CDH7: variants seen among roughly 807,000 people sequenced by gnomAD.
CDH7 encodes cadherin-7.
A neutral mutation model predicts 71.8 loss-of-function variants in CDH7; 25 were observed. The observed-to-expected ratio is 0.35, with a 90% CI of 0.25 to 0.49. CDH7 has a LOEUF of 0.49. CDH7 is among the 20% of genes least tolerant of loss of function. The probability of loss-of-function intolerance (pLI) is 0.99; values close to 1 mark genes in which losing one functional copy is unlikely to be tolerated. For missense variants in CDH7, 862 were observed against 974.6 expected (o/e 0.88, Z 1.54); for synonymous variants, 381 against 363.8 (o/e 1.05, Z -0.54).
At chr18:65,847,034 G>T (rs901618288) in intron 7 of CDH7, among the ~76,000 whole-genome samples, 1 of 77,714 alleles carries the variant, frequency 1.3e-5, no homozygotes, top group Non-Finnish European at 3.3e-5. Context: ...TTGTACTCAC[G>T]CGTATTCCAA....
rs115443853 is a variant in CDH7 at position 65,850,483 on chromosome 18, C to T, written c.1235+6418C>T. 7.0e-3 allele frequency among the ~76,000 whole-genome samples: 1,059 copies of T among 151,676 alleles called. 15 individuals carry two copies. The highest frequency in any genetic ancestry group is 0.025 in the African/African-American group (1,021 of 41,360). ...AGGGTTCCTCTGTAAATACATGTAG[C>T]GAGGGTAGCAGGCTCTTCAGAACGT... On this transcript the variant is annotated intron_variant, in intron 7 of 11. Transcript: ENST00000397968.
intron 6 of CDH7, among the ~76,000 whole-genome samples, chr18:65,843,413 T>C (rs970405971): frequency 1.7e-4 from 26 of 152,122 alleles, no homozygotes; most frequent in African/African-American, 6.3e-4. Context: ...AATGAGAAAT[T>C]CAATAGAAAG....
rs1245756650 is a variant in CDH7, at chr18:65,781,935, TC to T, written c.210+18884del. Among the ~76,000 whole-genome samples the T allele has an allele frequency of 1.6e-4, 19 of 120,674 alleles. 1 individual carries two copies. The highest frequency in any genetic ancestry group is 3.1e-4 in the Admixed American group (4 of 12,896). The allele number at this position is 120,674 out of a possible 152,430, so 79.2% of individuals were successfully genotyped here. On this transcript the variant is annotated intron_variant, in intron 2 of 11. Coordinates refer to ENST00000397968, the MANE Select transcript of CDH7 (RefSeq NM_004361.5). ...CTCTTTCTCTCTTTCTCTCTCTCTC[TC>T]TCTCTCTCTTTCTCTCTTTCTCTCT...
At chr18:65,783,651 T>C (rs1910400714) in intron 2 of CDH7, among the ~76,000 whole-genome samples, 1 of 152,180 alleles carries the variant, frequency 6.6e-6, no homozygotes, top group Non-Finnish European at 1.5e-5. Flanking sequence ...GGGCTGAAGA[T>C]AGCTCCTTGA....
intron 7 of CDH7, among the ~76,000 whole-genome samples, chr18:65,848,789 A>C (rs1913025283): frequency 6.6e-6 from 1 of 152,114 alleles, no homozygotes; most frequent in Non-Finnish European, 1.5e-5. Flanking sequence ...TAATCTAAAT[A>C]TAGAAATATG....
Position 65,835,208 on chromosome 18 carries a change from G to A in CDH7, c.982-8604G>A, listed in dbSNP as rs115871092. 3.2e-3 allele frequency among the ~76,000 whole-genome samples: 493 copies of A among 152,218 alleles called. 2 individuals carry two copies. Among genetic ancestry groups the A allele is most frequent in the African/African-American group, 0.011 (471 of 41,524 alleles). On this transcript the variant is annotated intron_variant, in intron 6 of 11. Transcript: ENST00000397968. ...TGAGGCTGTTTGACAGAATTGACAT[G>A]TCATCATTTCTGCCACATTGTATTG... is the stretch of plus-strand genomic sequence containing the variant.
chr18:65,806,033 G>T (rs1219743972), intron 2 of CDH7, among the ~76,000 whole-genome samples: 1 of 152,152 alleles, frequency 6.6e-6, no homozygotes, highest in Non-Finnish European at 1.5e-5. Context: ...GGTGGAGGGT[G>T]CTCTATCAAG....
intron 2 of CDH7, among the ~76,000 whole-genome samples, chr18:65,781,513 T>G (rs1910185346): frequency 6.6e-6 from 1 of 152,214 alleles, no homozygotes; most frequent in African/African-American, 2.4e-5. Context: ...TGTGGCTTTT[T>G]TGGTACAAGT....
At position 65,882,821 on chromosome 18, in the gene CDH7, G is replaced by T. The variant is rs933182708; in HGVS notation, c.*1927G>T. 6.6e-6 allele frequency: 1 copy of T among 151,994 alleles called. No individual in the cohort carries two copies. Among genetic ancestry groups the T allele is most frequent in the East Asian group, 1.9e-4 (1 of 5,188 alleles). 9.4% of individuals were successfully genotyped at this position (151,994 alleles called of 1,614,324 possible). A position where few individuals can be genotyped will look rare whatever the true frequency, so the allele number is the denominator to read the frequency against. On this transcript the variant is annotated 3_prime_UTR_variant, in exon 12 of 12. Transcript: ENST00000397968. ...ATAACAAACAAACAAAAAAACACGC[G>T]TATTTACCCAGTTCAATAAAATCAG...
rs1568229023 is a variant in CDH7, at chr18:65,866,323, AAAAAAAAC to A, written c.1864+3414_1864+3421del. The A allele has an allele frequency of 1.8e-4, 24 of 133,410 alleles. 5 individuals carry two copies. Among genetic ancestry groups the A allele is most frequent in the African/African-American group, 6.6e-4 (23 of 34,842 alleles). 8.3% of individuals were successfully genotyped at this position (133,410 alleles called of 1,614,324 possible). ...CAAAAAAAAAAAAAAAACAAAAAAAAAAAAAAACAAAAAAAAAAAAAAAAAGAATGAAA... is the reference window on the plus strand; with the variant it reads ...CAAAAAAAAAAAAAAAACAAAAAAAAAAAAAAAAAAAAAAAAAGAATGAAA... On this transcript the variant is annotated intron_variant, in intron 11 of 11. Transcript: ENST00000397968.
At chr18:65,870,094 A>T (rs1913885013) in intron 11 of CDH7, among the ~76,000 whole-genome samples, 1 of 152,194 alleles carries the variant, frequency 6.6e-6, no homozygotes, top group Non-Finnish European at 1.5e-5. Flanking sequence ...AGTAGAATAT[A>T]TGACTAAAGG....
At chr18:65,820,960 A>AT (rs1355965927) in intron 4 of CDH7, among the ~76,000 whole-genome samples, 1 of 152,176 alleles carries the variant, frequency 6.6e-6, no homozygotes, top group Non-Finnish European at 1.5e-5. Flanking sequence ...AATTTAAAAA[A>AT]ATATATAAAA....
intron 2 of CDH7, among the ~76,000 whole-genome samples, chr18:65,802,417 T>C (rs1052590248): frequency 1.3e-5 from 2 of 152,212 alleles, no homozygotes; most frequent in East Asian, 3.8e-4. Flanking sequence ...TCAAATTCTG[T>C]TTTTATCTTA....
At chr18:65,846,826 G>A (rs1912950215) in intron 7 of CDH7, among the ~76,000 whole-genome samples, 1 of 152,146 alleles carries the variant, frequency 6.6e-6, no homozygotes, top group Non-Finnish European at 1.5e-5. Flanking sequence ...TCTGATGATT[G>A]AATAAGAGCG....
At chr18:65,835,941 T>C (rs1912518038) in intron 6 of CDH7, among the ~76,000 whole-genome samples, 1 of 152,224 alleles carries the variant, frequency 6.6e-6, no homozygotes, top group African/African-American at 2.4e-5. Flanking sequence ...CATAATTGGG[T>C]GCAGTATAAT....
At chr18:65,821,198 A>G (rs1024462343) in intron 4 of CDH7, among the ~76,000 whole-genome samples, 1 of 152,004 alleles carries the variant, frequency 6.6e-6, no homozygotes, top group Non-Finnish European at 1.5e-5. Context: ...AAGATTGTTT[A>G]TGTTTGGTGA....
At chr18:65,782,900 C>T (rs1023961955) in intron 2 of CDH7, among the ~76,000 whole-genome samples, 8 of 152,048 alleles carry the variant, frequency 5.3e-5, no homozygotes, top group Non-Finnish European at 8.8e-5. Flanking sequence ...TATATCTGGG[C>T]GTCATTTTAA....
intron 2 of CDH7, among the ~76,000 whole-genome samples, chr18:65,798,616 G>C (rs1911002018): frequency 6.6e-6 from 1 of 152,208 alleles, no homozygotes; most frequent in Admixed American, 6.5e-5. Flanking sequence ...GGCAGTAAAA[G>C]TTGTTGAGCA....
chr18:65,781,898 CTCTA>C (rs374367558), intron 2 of CDH7, among the ~76,000 whole-genome samples: 1,131 of 58,032 alleles, frequency 0.019, 24 homozygotes, highest in African/African-American at 0.025. Context: ...CTCTCTTTCT[CTCTA>C]TCTTTCTCTC....
Sources: allele counts gnomAD v4.1 joint callset (sites outside exome capture counted in the v4.1 genomes callset), GRCh38; gene constraint gnomAD v4.1.1; transcripts MANE v1.5; gene names NCBI Gene and HGNC (gene_info 2026-07-23, HGNC 2026-07-21).